The following NTNG2 variants were observed in gnomAD, a reference collection of about 807,000 sequenced individuals.
NTNG2 encodes netrin-G2.
Under a neutral mutation model 47.6 loss-of-function variants are expected in NTNG2, and 15 were observed. The ratio of observed to expected loss-of-function variants is 0.32; its 90% confidence interval spans 0.21 to 0.49. The LOEUF (loss-of-function observed/expected upper bound fraction) is 0.49, where lower values mean the gene tolerates loss of function less well. Ranked by LOEUF, NTNG2 falls within the 20% of genes least tolerant of loss-of-function variation. The probability of loss-of-function intolerance (pLI) is 0.99; values close to 1 mark genes in which losing one functional copy is unlikely to be tolerated. For missense variants in NTNG2, 578 were observed against 764.6 expected (o/e 0.76, Z 2.88); for synonymous variants, 307 against 324.6 (o/e 0.95, Z 0.58).
rs142790275 is a variant in NTNG2 at position 132,229,119 on chromosome 9, G to A, written c.1031-1453G>A. ...GGAGTCCCCGGGAATTGCCTTTGAGGCCCCCAAGCCCCAGGAAGGAGGGGT... is the reference window on the plus strand; with the variant it reads ...GGAGTCCCCGGGAATTGCCTTTGAGACCCCCAAGCCCCAGGAAGGAGGGGT... On this transcript the variant is annotated intron_variant, in intron 4 of 7. Transcript: ENST00000393229. Among the ~76,000 whole-genome samples, 1,270 of 152,166 alleles carry A rather than the reference G, an allele frequency of 8.3e-3. 4 individuals are homozygous for A. The highest frequency in any genetic ancestry group is 0.013 in the Non-Finnish European group (904 of 67,964).
At position 132,235,628 on chromosome 9, in the gene NTNG2, T is replaced by C. The variant is rs62577523; in HGVS notation, c.1055-3476T>C. 7.2e-3 allele frequency among the ~76,000 whole-genome samples: 1,100 copies of C among 152,210 alleles called. 7 individuals are homozygous for C. The highest frequency in any genetic ancestry group is 0.012 in the Non-Finnish European group (797 of 67,992). Reference sequence around the variant, plus strand: ...AGCACCACCCCCTCGCATAACTTGGTTTCTTCTCTTCTTCCCCCCAAGAGT... The same window carrying C: ...AGCACCACCCCCTCGCATAACTTGGCTTCTTCTCTTCTTCCCCCCAAGAGT... On this transcript the variant is annotated intron_variant, in intron 5 of 7. Coordinates refer to ENST00000393229, the MANE Select transcript of NTNG2 (RefSeq NM_032536.4).
chr9:132,241,840 G>T, intron 7 of NTNG2, 36 bp from the exon 8 acceptor site: 2 of 1,453,456 alleles, frequency 1.4e-6, no homozygotes. Context: ...GGGGGACCGG[G>T]CCACCCCCCG....
chr9:132,181,454 G>C (rs1283324549), intron 2 of NTNG2, among the ~76,000 whole-genome samples: 1 of 151,846 alleles, frequency 6.6e-6, no homozygotes, highest in Non-Finnish European at 1.5e-5. Context: ...CCAAGTAGCT[G>C]GGATTACAGG....
At chr9:132,184,275 C>T (rs1446440335) in intron 2 of NTNG2, among the ~76,000 whole-genome samples, 2 of 152,208 alleles carry the variant, frequency 1.3e-5, no homozygotes, top group Non-Finnish European at 2.9e-5. Flanking sequence ...CCCCGTCCAT[C>T]GGGTGCTGTG....
In NTNG2 at chr9:132,163,269, C is replaced by T. The variant is rs964952065; in HGVS notation, c.-484+1030C>T. 9.9e-5 allele frequency among the ~76,000 whole-genome samples: 15 copies of T among 152,042 alleles called. No homozygotes were observed. The highest frequency in any genetic ancestry group is 1.2e-4 in the Non-Finnish European group (8 of 67,960). On this transcript the variant is annotated intron_variant, in intron 1 of 7. Transcript: ENST00000393229. The surrounding 1 kb of genome is among the most constrained non-coding windows in gnomAD (Gnocchi z 7.2). The stretch of plus-strand genomic sequence containing the variant: ...AGCCGGCCCGAAGCACTGACTCGAC[C>T]CTGGCCCCGGCCTCGACCCCGCCCG...
intron 3 of NTNG2, among the ~76,000 whole-genome samples, chr9:132,204,602 CT>C (rs1285067911): frequency 1.3e-5 from 2 of 152,180 alleles, no homozygotes; most frequent in Non-Finnish European, 2.9e-5. Flanking sequence ...GCACTGACTC[CT>C]TGAAACTCTG....
chr9:132,215,644 G>A lies in NTNG2; in HGVS notation c.858-11205G>A, dbSNP rs942337600. On this transcript the variant is annotated intron_variant, in intron 3 of 7. Coordinates refer to ENST00000393229, the MANE Select transcript of NTNG2 (RefSeq NM_032536.4). This position sits in a 1 kb window ranked among gnomAD's most constrained non-coding sequence, Gnocchi z 4.2. ...TGTTACTGAATCCTCCAAGAGGCCA[G>A]GGGGTGTGTCACCTCTTGGGGCGCC... Among the ~76,000 whole-genome samples, 6 of 152,220 alleles carry A rather than the reference G, an allele frequency of 3.9e-5. 1 individual carries two copies. The highest frequency in any genetic ancestry group is 2.0e-4 in the Admixed American group (3 of 15,278).
intron 2 of NTNG2, among the ~76,000 whole-genome samples, chr9:132,181,402 C>T (rs1272349250): frequency 1.3e-5 from 2 of 151,360 alleles, no homozygotes; most frequent in Non-Finnish European, 2.9e-5. Flanking sequence ...CTCACTGCAA[C>T]CTCCACCTCC....
intron 2 of NTNG2, among the ~76,000 whole-genome samples, chr9:132,190,396 G>T (rs1388317757): frequency 6.6e-6 from 1 of 152,040 alleles, no homozygotes; most frequent in South Asian, 2.1e-4. Context: ...AGCCCTGCCC[G>T]GGACACCCTG....
At chr9:132,237,578 G>A (rs991842653) in intron 5 of NTNG2, among the ~76,000 whole-genome samples, 4 of 152,192 alleles carry the variant, frequency 2.6e-5, no homozygotes, top group South Asian at 2.1e-4. Flanking sequence ...TTCCCCATCC[G>A]CCGCTGGAAA....
chr9:132,196,738 G>A (rs1361535619), intron 2 of NTNG2, among the ~76,000 whole-genome samples: 1 of 152,192 alleles, frequency 6.6e-6, no homozygotes, highest in Admixed American at 6.5e-5. Flanking sequence ...ACCACTGGGT[G>A]TCCGATGATT....
rs1393723863 is a variant in NTNG2, at chr9:132,163,421, C to G, written c.-484+1182C>G. On this transcript the variant is annotated intron_variant, in intron 1 of 7. Coordinates refer to ENST00000393229, the MANE Select transcript of NTNG2 (RefSeq NM_032536.4). This position sits in a 1 kb window ranked among gnomAD's most constrained non-coding sequence, Gnocchi z 7.2. ...GCCCGCTCCGGAGCGGGGGGACACC[C>G]GGGCCGCCGGAATTAAGAGGCCCGC... is the stretch of plus-strand genomic sequence containing the variant. 6.6e-6 allele frequency among the ~76,000 whole-genome samples: 1 copy of G among 151,814 alleles called. No homozygotes were observed. Among genetic ancestry groups the G allele is most frequent in the African/African-American group, 2.4e-5 (1 of 41,368 alleles).
intron 3 of NTNG2, among the ~76,000 whole-genome samples, chr9:132,207,675 A>C (rs920343104): frequency 8.5e-5 from 13 of 152,338 alleles, no homozygotes; most frequent in African/African-American, 2.6e-4. Context: ...GGCCCACAGC[A>C]GGCACCTATG....
rs1840141443 is a variant in NTNG2 at position 132,218,520 on chromosome 9, A to G, written c.858-8329A>G. Among the ~76,000 whole-genome samples the G allele has an allele frequency of 6.6e-6, 1 of 151,818 alleles. No individual in the cohort carries two copies. The highest frequency in any genetic ancestry group is 2.1e-4 in the South Asian group (1 of 4,820). ...TTGTTTTTCTGGTTTTTTTGAGACC[A>G]AGTGTTGCTCTTGTCCCCCAGGCTG... On this transcript the variant is annotated intron_variant, in intron 3 of 7. Transcript: ENST00000393229. The surrounding 1 kb of genome is among the most constrained non-coding windows in gnomAD (Gnocchi z 5.4).
At chr9:132,188,327 C>T (rs1472207827) in intron 2 of NTNG2, among the ~76,000 whole-genome samples, 24 of 152,246 alleles carry the variant, frequency 1.6e-4, no homozygotes, top group Admixed American at 1.4e-3. Flanking sequence ...AGTCAAGAGA[C>T]GTGCCGCCTG....
chr9:132,234,694 C>T (rs1050740605), intron 5 of NTNG2, among the ~76,000 whole-genome samples: 4 of 152,364 alleles, frequency 2.6e-5, no homozygotes, highest in Middle Eastern at 3.4e-3. Context: ...GGCTGGGCCA[C>T]GGAGGATGGA....
At chr9:132,233,243 G>C (rs758283244) in intron 5 of NTNG2, 1 of 152,300 alleles carries the variant, frequency 6.6e-6, no homozygotes, top group South Asian at 2.1e-4. Context: ...GTTTGGCTGG[G>C]AGGCCAGATA....
chr9:132,167,155 T>G, intron 2 of NTNG2, 111 bp downstream of exon 2: 2 of 1,184,092 alleles, frequency 1.7e-6, no homozygotes, highest in Non-Finnish European at 2.4e-6. Flanking sequence ...AGGCTGACTT[T>G]CCTGCCTCTT....
rs752499865 is a variant in NTNG2, at chr9:132,208,697, G to A, written c.857+10088G>A. On this transcript the variant is annotated intron_variant, in intron 3 of 7. Coordinates refer to ENST00000393229, the MANE Select transcript of NTNG2 (RefSeq NM_032536.4). The surrounding 1 kb of genome is among the most constrained non-coding windows in gnomAD (Gnocchi z 4.0). ...TGCCTTGTCAAATGGGGACAGAGGT[G>A]AGGGGATTTTCTGGAGGGGAATTTT... Among the ~76,000 whole-genome samples, 1 of 152,172 alleles carries A rather than the reference G, an allele frequency of 6.6e-6. No homozygotes were observed. Among genetic ancestry groups the A allele is most frequent in the Non-Finnish European group, 1.5e-5 (1 of 68,026 alleles).
Sources: gnomAD v4.1 joint callset for allele counts (sites outside exome capture counted in the v4.1 genomes callset) on GRCh38, gnomAD v4.1.1 for gene constraint, Gnocchi (gnomAD v3.1) non-coding constraint, MANE v1.5 for transcripts, NCBI Gene and HGNC (gene_info 2026-07-23, HGNC 2026-07-21) for gene names.